Variants in ATP8B4 observed in about 807,000 individuals in gnomAD.
ATP8B4 encodes probable phospholipid-transporting ATPase IM.
ATP8B4 carries 133 observed loss-of-function variants against 145.6 expected under a neutral mutation model. That is an observed-to-expected ratio of 0.91 (90% CI 0.79 to 1.05). ATP8B4 has a LOEUF of 1.05. Among genes scored for constraint, ATP8B4 ranks in the 50% least tolerant of loss-of-function variants. ATP8B4 has a pLI of 0.00. For synonymous variants in ATP8B4, 507 were observed against 492.9 expected, an observed-to-expected ratio of 1.03 and a Z score of -0.38; for missense variants, 1,458 against 1,425.2, an observed-to-expected ratio of 1.02 and a Z score of -0.37.
chr15:49,976,206 T>C (rs1364474082), intron 12 of ATP8B4, among the ~76,000 whole-genome samples: 1 of 150,214 alleles, frequency 6.7e-6, no homozygotes, highest in African/African-American at 2.5e-5. Flanking sequence ...TCTTTGTTTA[T>C]TTATTTATAT....
rs762729078 is a variant in ATP8B4 at position 49,979,684 on chromosome 15, C to A, written c.967G>T (p.Gly323Ter). ...NEGEKSSVFS[G>*]FLTFWSYIII... ...ATATATGACCAGAATGTTAAGAATCCGGAGAACACAGAGCTCTTCTCTCCT... is the reference window on the plus strand; with the variant it reads ...ATATATGACCAGAATGTTAAGAATCAGGAGAACACAGAGCTCTTCTCTCCT... Residue 323 changes from glycine to a stop codon, truncating the protein, a stop_gained, in exon 12 of 28, where the codon GGA (glycine) becomes TGA (stop). Transcript: ENST00000284509. LOFTEE classifies it high-confidence loss of function. The A allele has an allele frequency of 6.2e-7, 1 of 1,605,966 alleles. No homozygotes were observed. The highest frequency in any genetic ancestry group is 8.5e-7 in the Non-Finnish European group (1 of 1,174,262).
At chr15:49,991,084 T>C (rs866016089) in intron 9 of ATP8B4, among the ~76,000 whole-genome samples, 5 of 152,168 alleles carry the variant, frequency 3.3e-5, no homozygotes, top group South Asian at 2.1e-4. Flanking sequence ...TTACATGGAA[T>C]CTATGCCTCA....
In ATP8B4 at chr15:50,106,975, C is replaced by T. The variant is rs2056714844; in HGVS notation, c.-9G>A. The T allele has an allele frequency of 3.8e-6, 6 of 1,589,234 alleles. No individual in the cohort carries two copies. The highest frequency in any genetic ancestry group is 3.4e-6 in the Non-Finnish European group (4 of 1,169,644). ...TTTTCACTGCAGAACATTATTATAC[C>T]TGATCTTTCACCAGGTCTCAACAGG... On this transcript the variant is annotated 5_prime_UTR_variant, in exon 2 of 28. Coordinates refer to ENST00000284509, the MANE Select transcript of ATP8B4 (RefSeq NM_024837.4).
chr15:49,863,042 T>G (rs2032132630), intron 26 of ATP8B4, among the ~76,000 whole-genome samples: 1 of 152,184 alleles, frequency 6.6e-6, no homozygotes, highest in African/African-American at 2.4e-5. Flanking sequence ...ACATCAAAGC[T>G]ACACAAAAAA....
At chr15:49,988,169 C>T (rs545641581) in intron 9 of ATP8B4, among the ~76,000 whole-genome samples, 1 of 152,190 alleles carries the variant, frequency 6.6e-6, no homozygotes, top group Non-Finnish European at 1.5e-5. Flanking sequence ...TAACTTGCCC[C>T]TAACTGGCTA....
chr15:50,043,984 A>G (rs1208752227), intron 5 of ATP8B4, among the ~76,000 whole-genome samples: 2 of 151,664 alleles, frequency 1.3e-5, no homozygotes, highest in Non-Finnish European at 2.9e-5. Flanking sequence ...AAAAGAATAC[A>G]GTGTATAATA....
intron 3 of ATP8B4, among the ~76,000 whole-genome samples, chr15:50,060,948 C>T (rs2052970001): frequency 6.6e-6 from 1 of 152,066 alleles, no homozygotes; most frequent in African/African-American, 2.4e-5. Flanking sequence ...GCAGCTTTTT[C>T]AAAAGTTGAT....
chr15:50,111,862 C>T (rs1004201955), intron 1 of ATP8B4, among the ~76,000 whole-genome samples: 2 of 152,262 alleles, frequency 1.3e-5, no homozygotes, highest in East Asian at 1.9e-4. Flanking sequence ...TTAAGACATT[C>T]TGCAATAAAA....
At chr15:49,946,241 A>G in intron 14 of ATP8B4, among the ~76,000 whole-genome samples, 1 of 152,238 alleles carries the variant, frequency 6.6e-6, no homozygotes. Flanking sequence ...GAAGAAAACG[A>G]TCTCATCTAA....
intron 13 of ATP8B4, among the ~76,000 whole-genome samples, chr15:49,966,806 CCT>C (rs996884981): frequency 2.0e-5 from 3 of 152,216 alleles, no homozygotes; most frequent in Non-Finnish European, 4.4e-5. Context: ...GTCCCTGACC[CCT>C]GTGTATCCTG....
intron 3 of ATP8B4, among the ~76,000 whole-genome samples, chr15:50,059,480 CTG>C (rs1027584258): frequency 1.3e-5 from 2 of 152,164 alleles, no homozygotes; most frequent in African/African-American, 4.8e-5. Flanking sequence ...ACGTACAAAA[CTG>C]TGAAATAAAG....
chr15:49,947,758 G>A (rs1022537125), intron 14 of ATP8B4, among the ~76,000 whole-genome samples: 1 of 152,102 alleles, frequency 6.6e-6, no homozygotes, highest in African/African-American at 2.4e-5. Context: ...TGGGGTACTG[G>A]TATCCCCAGT....
At chr15:50,177,760 T>A (rs1434107825) in intron 1 of ATP8B4, among the ~76,000 whole-genome samples, 3 of 152,216 alleles carry the variant, frequency 2.0e-5, no homozygotes, top group African/African-American at 4.8e-5. Flanking sequence ...TTCTTAGAGA[T>A]GTGAATTCTT....
chr15:50,131,035 G>GGAAGGA (rs61589147), intron 1 of ATP8B4, among the ~76,000 whole-genome samples: 48,596 of 151,438 alleles, frequency 0.32, 9,024 homozygotes, highest in Middle Eastern at 0.49. Flanking sequence ...CAAGGCAGCA[G>GGAAGGA]GAAGGAGAAG....
chr15:50,034,128 C>G (rs6493394), intron 6 of ATP8B4, among the ~76,000 whole-genome samples: 98,101 of 151,880 alleles, frequency 0.65, 32,907 homozygotes, highest in East Asian at 0.99. Context: ...GGTTCTTTGA[C>G]AAATATCCAC....
upstream of ATP8B4, among the ~76,000 whole-genome samples, chr15:50,121,364 G>C (rs961833190): frequency 6.6e-6 from 1 of 152,078 alleles, no homozygotes; most frequent in Non-Finnish European, 1.5e-5. Flanking sequence ...ATTGTTTAAT[G>C]GGTACAGGGT....
chr15:50,062,172 G>T (rs530700870), intron 3 of ATP8B4, among the ~76,000 whole-genome samples: 2 of 152,294 alleles, frequency 1.3e-5, no homozygotes, highest in East Asian at 3.9e-4. Context: ...GTAATCTCCA[G>T]TGTTGGAGGT....
chr15:49,950,647 C>A (rs923419304), intron 14 of ATP8B4, among the ~76,000 whole-genome samples: 6 of 139,488 alleles, frequency 4.3e-5, no homozygotes, highest in Non-Finnish European at 7.9e-5. Context: ...CAACAAAAAA[C>A]CAGCTCCTGG....
chr15:50,113,985 C>T (rs1404322856), intron 1 of ATP8B4, among the ~76,000 whole-genome samples: 2 of 151,330 alleles, frequency 1.3e-5, no homozygotes, highest in African/African-American at 2.4e-5. Context: ...TTGTCATGTC[C>T]ATACAGGAGT....
Sources: allele counts gnomAD v4.1 joint callset (sites outside exome capture counted in the v4.1 genomes callset), GRCh38; gene constraint gnomAD v4.1.1; transcripts MANE v1.5; gene names NCBI Gene and HGNC (gene_info 2026-07-23, HGNC 2026-07-21).